Variants in SLC7A11 observed in about 807,000 individuals in gnomAD.
SLC7A11 encodes solute carrier family 7 member 11.
A neutral mutation model predicts 54.5 loss-of-function variants in SLC7A11; 35 were observed. The observed-to-expected ratio is 0.64, with a 90% CI of 0.49 to 0.85. The LOEUF (loss-of-function observed/expected upper bound fraction) is 0.85, where lower values mean the gene tolerates loss of function less well. SLC7A11 is among the 40% of genes least tolerant of loss of function. The pLI, the probability that SLC7A11 is intolerant of heterozygous loss-of-function variation, is 0.00. For synonymous variants in SLC7A11, 230 were observed against 225.2 expected (o/e 1.02, Z -0.19); for missense variants, 583 against 618.1 (o/e 0.94, Z 0.60).
intron 11 of SLC7A11, chr4:138,177,203 GGTT>G (rs1280588600): frequency 6.6e-6 from 1 of 151,870 alleles, no homozygotes; most frequent in South Asian, 2.1e-4. Flanking sequence ...CAAGGTTTTT[GGTT>G]GTTTGTTTTT....
chr4:138,179,490 G>C, intron 10 of SLC7A11, 96 bp from the exon 11 acceptor site: 1 of 1,047,396 alleles, frequency 9.5e-7, no homozygotes, highest in Non-Finnish European at 1.4e-6. Context: ...ATACTTTAGT[G>C]ATATGCTGTA....
intron 11 of SLC7A11, chr4:138,177,214 T>C (rs200035887): frequency 1.3e-5 from 2 of 152,288 alleles, no homozygotes; most frequent in East Asian, 3.9e-4. Flanking sequence ...GTTGTTTGTT[T>C]TTTTAGTAAC....
intron 6 of SLC7A11, among the ~76,000 whole-genome samples, chr4:138,208,993 T>C (rs1304874274): frequency 2.7e-4 from 41 of 152,066 alleles, no homozygotes; most frequent in Admixed American, 2.7e-3. Context: ...GGAACTGTCC[T>C]ATACCACCTA....
rs1019551799 is a variant in SLC7A11 at position 138,171,719 on chromosome 4, G to A, written c.*237C>T. Reference sequence around the variant, plus strand: ...CTAACCCCAATAGGTAGGTATCAGAGACTCAAGAATTGTGCGACTCATAGA... The same window carrying A: ...CTAACCCCAATAGGTAGGTATCAGAAACTCAAGAATTGTGCGACTCATAGA... On this transcript the variant is annotated 3_prime_UTR_variant, in exon 12 of 12. Coordinates refer to ENST00000280612, the MANE Select transcript of SLC7A11 (RefSeq NM_014331.4). 2.3e-6 allele frequency: 1 copy of A among 443,834 alleles called. No homozygotes were observed. Among genetic ancestry groups the A allele is most frequent in the Non-Finnish European group, 3.9e-6 (1 of 257,700 alleles). The allele number at this position is 443,834 out of a possible 1,614,324, so 27.5% of individuals were successfully genotyped here.
At chr4:138,224,594 C>A (rs1353799135) in intron 3 of SLC7A11, among the ~76,000 whole-genome samples, 1 of 151,994 alleles carries the variant, frequency 6.6e-6, no homozygotes, top group Non-Finnish European at 1.5e-5. Flanking sequence ...AACACATAAT[C>A]TTTAAAGGCA....
intron 6 of SLC7A11, among the ~76,000 whole-genome samples, chr4:138,196,537 A>T (rs1737135557): frequency 6.6e-6 from 1 of 152,202 alleles, no homozygotes; most frequent in Non-Finnish European, 1.5e-5. Flanking sequence ...TGTTTTGTGT[A>T]TGCATATTTA....
chr4:138,165,804 T>G lies in SLC7A11; in HGVS notation c.*6152A>C, dbSNP rs1736241734. The G allele has an allele frequency of 6.6e-6, 1 of 152,140 alleles. No homozygotes were observed. The highest frequency in any genetic ancestry group is 2.4e-5 in the African/African-American group (1 of 41,430). The allele number at this position is 152,140 out of a possible 1,614,324, so 9.4% of individuals were successfully genotyped here. ...ACTTAAGTAGGAAATTTATAGAAAT[T>G]TGATTTATACCAGTAGTAATAACAT... On this transcript the variant is annotated 3_prime_UTR_variant, in exon 12 of 12. Coordinates refer to ENST00000280612, the MANE Select transcript of SLC7A11 (RefSeq NM_014331.4).
intron 6 of SLC7A11, among the ~76,000 whole-genome samples, chr4:138,211,881 G>A (rs1412999448): frequency 1.3e-5 from 2 of 151,840 alleles, no homozygotes; most frequent in Non-Finnish European, 2.9e-5. Flanking sequence ...AGGTTATAAA[G>A]TATAAGGAGA....
chr4:138,188,791 CT>C (rs1441587212), intron 6 of SLC7A11, among the ~76,000 whole-genome samples: 1 of 152,150 alleles, frequency 6.6e-6, no homozygotes, highest in Admixed American at 6.6e-5. Flanking sequence ...TCCACCAATC[CT>C]AAATGCAACA....
chr4:138,226,288 C>T (rs1428018910), intron 3 of SLC7A11, among the ~76,000 whole-genome samples: 1 of 151,998 alleles, frequency 6.6e-6, no homozygotes, highest in Admixed American at 6.6e-5. Context: ...TCCAGCAATC[C>T]CATTGCTGGG....
rs151133984 is a variant in SLC7A11, at chr4:138,180,642, T to G, written c.1265A>C (p.Lys422Thr). 39 of 1,612,528 alleles carry G rather than the reference T, an allele frequency of 2.4e-5. No homozygotes were observed. In the African/African-American group the frequency reaches 5.1e-4, roughly 21 times the overall value. ...ACCCATCAAGATTGCTGAGGTTACCTTGAAAGGACGATGCATATCTGGGCA... is the reference window on the plus strand; with the variant it reads ...ACCCATCAAGATTGCTGAGGTTACCGTGAAAGGACGATGCATATCTGGGCA... ...YKCPDMHRPF[K>T]VPLFIPALFS... The change falls in exon 10 of 12, where the codon AAG becomes ACG. Residue 422 changes from lysine to threonine, a missense_variant and splice_region_variant. Coordinates refer to ENST00000280612, the MANE Select transcript of SLC7A11 (RefSeq NM_014331.4).
At chr4:138,200,895 T>A (rs1737263845) in intron 6 of SLC7A11, among the ~76,000 whole-genome samples, 2 of 152,128 alleles carry the variant, frequency 1.3e-5, no homozygotes, top group South Asian at 4.2e-4. Flanking sequence ...ATATGATAAT[T>A]GAAACCATTT....
intron 6 of SLC7A11, among the ~76,000 whole-genome samples, chr4:138,206,338 AAACAAG>A (rs1737404778): frequency 6.6e-6 from 1 of 151,342 alleles, no homozygotes; most frequent in South Asian, 2.1e-4. Flanking sequence ...GTTGCTCCTA[AAACAAG>A]AGTTTATTGT....
At chr4:138,185,033 A>G in intron 7 of SLC7A11, 88 bp downstream of exon 7, 1 of 1,465,492 alleles carries the variant, frequency 6.8e-7, no homozygotes, top group Non-Finnish European at 9.5e-7. Context: ...CTGAATTTCA[A>G]AACACTTTCT....
At chr4:138,236,907 G>A (rs1276510153) in intron 1 of SLC7A11, among the ~76,000 whole-genome samples, 1 of 149,410 alleles carries the variant, frequency 6.7e-6, no homozygotes, top group African/African-American at 2.5e-5. Context: ...AATAAATTAT[G>A]TTTCTGTGGA....
At chr4:138,231,780 A>T (rs1738086543) in intron 3 of SLC7A11, among the ~76,000 whole-genome samples, 1 of 152,184 alleles carries the variant, frequency 6.6e-6, no homozygotes, top group African/African-American at 2.4e-5. Context: ...CTAATAATCA[A>T]TCTTAAAAGA....
intron 3 of SLC7A11, among the ~76,000 whole-genome samples, chr4:138,225,138 C>CCATATATATATATATATA (rs1737913263): frequency 8.5e-6 from 1 of 118,342 alleles, no homozygotes; most frequent in East Asian, 2.9e-4. Flanking sequence ...AATAATTTCA[C>CCATATATATATATATATA]TATATATATA....
At chr4:138,220,312 A>G (rs1032897612) in intron 4 of SLC7A11, among the ~76,000 whole-genome samples, 4 of 152,158 alleles carry the variant, frequency 2.6e-5, no homozygotes, top group African/African-American at 4.8e-5. Context: ...TTACCCATTC[A>G]TGAAGTATTG....
chr4:138,237,772 A>G (rs1440472051), intron 1 of SLC7A11, among the ~76,000 whole-genome samples: 1 of 34,958 alleles, frequency 2.9e-5, no homozygotes, highest in Non-Finnish European at 5.5e-5. Context: ...TTTTTTTGAG[A>G]TGGAGTCTCA....
Sources: gnomAD v4.1 joint callset for allele counts (sites outside exome capture counted in the v4.1 genomes callset) on GRCh38, gnomAD v4.1.1 for gene constraint, MANE v1.5 for transcripts, NCBI Gene and HGNC (gene_info 2026-07-23, HGNC 2026-07-21) for gene names.